The following MAGI2 variants were observed in gnomAD, a reference collection of about 807,000 sequenced individuals.
MAGI2 encodes membrane-associated guanylate kinase, WW and PDZ domain-containing protein 2.
A neutral mutation model predicts 133.3 loss-of-function variants in MAGI2; 35 were observed. That is an observed-to-expected ratio of 0.26 (90% CI 0.20 to 0.35). MAGI2 has a LOEUF of 0.35. MAGI2 is among the 10% of genes least tolerant of loss of function. The pLI, the probability that MAGI2 is intolerant of heterozygous loss-of-function variation, is 1.00. For missense variants in MAGI2, 1,636 were observed against 1,863.4 expected, an observed-to-expected ratio of 0.88 and a Z score of 2.25; for synonymous variants, 729 against 710.6, an observed-to-expected ratio of 1.03 and a Z score of -0.41.
At chr7:79,443,603 C>T (rs1348085042) in intron 1 of MAGI2, among the ~76,000 whole-genome samples, 1 of 152,004 alleles carries the variant, frequency 6.6e-6, no homozygotes, top group South Asian at 2.1e-4. Flanking sequence ...CTCATATAAG[C>T]AAAAATACTC....
At chr7:78,810,861 G>C (rs1451138579) in intron 2 of MAGI2, among the ~76,000 whole-genome samples, 1 of 151,960 alleles carries the variant, frequency 6.6e-6, no homozygotes, top group African/African-American at 2.4e-5. Context: ...ATAAATTATA[G>C]ACATGCTGGT....
rs750809416 is a variant in MAGI2, at chr7:78,194,854, T to G, written c.2269+20A>C. 6.4e-6 allele frequency: 10 copies of G among 1,570,924 alleles called. No homozygotes were observed. The highest frequency in any genetic ancestry group is 8.6e-6 in the Non-Finnish European group (10 of 1,159,230). ...TCAGCTATTATTAATGTACCCTTGTTTCATGTGGCTTTCACTTACGCCTAC... is the reference window on the plus strand; with the variant it reads ...TCAGCTATTATTAATGTACCCTTGTGTCATGTGGCTTTCACTTACGCCTAC... On this transcript the variant is annotated intron_variant, in intron 12 of 21. Transcript: ENST00000354212.
At chr7:79,297,941 G>GAA (rs1837074312) in intron 1 of MAGI2, among the ~76,000 whole-genome samples, 1 of 152,156 alleles carries the variant, frequency 6.6e-6, no homozygotes, top group Non-Finnish European at 1.5e-5. Flanking sequence ...AAATTTAAGG[G>GAA]AAAACAACCA....
At chr7:78,036,402 A>G (rs549095770) in intron 21 of MAGI2, among the ~76,000 whole-genome samples, 130 of 1,298 alleles carry the variant, frequency 0.1, no homozygotes, top group African/African-American at 0.3. Flanking sequence ...AAGCACTTGT[A>G]AATAATAATA....
intron 6 of MAGI2, among the ~76,000 whole-genome samples, chr7:78,474,007 A>G (rs1791491465): frequency 6.6e-6 from 1 of 152,028 alleles, no homozygotes; most frequent in African/African-American, 2.4e-5. Context: ...TGCCCCTGTC[A>G]TCACCAGAGA....
At chr7:78,395,577 T>C (rs751935111) in intron 6 of MAGI2, among the ~76,000 whole-genome samples, 17 of 152,170 alleles carry the variant, frequency 1.1e-4, no homozygotes, top group Non-Finnish European at 1.5e-5. Context: ...GAGGTAGAAA[T>C]GACCCAACGC....
chr7:79,259,909 T>G (rs930490691), intron 1 of MAGI2, among the ~76,000 whole-genome samples: 3 of 152,234 alleles, frequency 2.0e-5, no homozygotes. Context: ...TGCAGGGCAC[T>G]TTATAGGAAA....
chr7:78,714,777 T>C (rs1228102202), intron 2 of MAGI2, among the ~76,000 whole-genome samples: 1 of 152,180 alleles, frequency 6.6e-6, no homozygotes, highest in Non-Finnish European at 1.5e-5. Flanking sequence ...GGCTTTCAGG[T>C]GCCAAACACA....
At chr7:78,485,198 G>A (rs989260169) in intron 6 of MAGI2, 4 of 151,908 alleles carry the variant, frequency 2.6e-5, no homozygotes, top group African/African-American at 9.7e-5. Flanking sequence ...GTATTTAGTG[G>A]TTAACTGCTG....
chr7:78,933,011 T>C (rs930460641), intron 2 of MAGI2, among the ~76,000 whole-genome samples: 13 of 152,108 alleles, frequency 8.5e-5, no homozygotes, highest in African/African-American at 1.9e-4. Context: ...TCTTGCATCC[T>C]TGCTATTTTC....
chr7:78,881,584 A>G (rs1036941970), intron 2 of MAGI2, among the ~76,000 whole-genome samples: 11 of 152,180 alleles, frequency 7.2e-5, no homozygotes, highest in African/African-American at 2.7e-4. Context: ...TAATTTTAAA[A>G]AATCAAAATC....
chr7:78,309,940 C>T (rs566410574), intron 9 of MAGI2, among the ~76,000 whole-genome samples: 38 of 152,010 alleles, frequency 2.5e-4, no homozygotes, highest in Non-Finnish European at 4.6e-4. Flanking sequence ...ATGTAGAGAA[C>T]AAATGTTAGT....
At chr7:78,544,972 C>G (rs1055966295) in intron 3 of MAGI2, among the ~76,000 whole-genome samples, 1 of 151,322 alleles carries the variant, frequency 6.6e-6, no homozygotes, top group African/African-American at 2.4e-5. Flanking sequence ...ATCTTAATTT[C>G]GTAATCTAGT....
chr7:79,263,421 C>A (rs189880627), intron 1 of MAGI2, among the ~76,000 whole-genome samples: 164 of 152,172 alleles, frequency 1.1e-3, no homozygotes, highest in African/African-American at 3.7e-3. Flanking sequence ...CCTGGTTTCC[C>A]AGCTGACACC....
intron 2 of MAGI2, among the ~76,000 whole-genome samples, chr7:78,977,206 T>C (rs1484351705): frequency 6.6e-6 from 1 of 151,706 alleles, no homozygotes; most frequent in East Asian, 1.9e-4. Context: ...AAAGCTGTAG[T>C]AGTCAGGACA....
At chr7:78,322,064 C>A (rs1288781467) in intron 9 of MAGI2, among the ~76,000 whole-genome samples, 5 of 152,162 alleles carry the variant, frequency 3.3e-5, no homozygotes, top group Non-Finnish European at 7.3e-5. Flanking sequence ...CAATCAGATA[C>A]CCTCTCACGC....
At chr7:78,829,573 A>C (rs2151439727) in intron 2 of MAGI2, among the ~76,000 whole-genome samples, 1 of 152,196 alleles carries the variant, frequency 6.6e-6, no homozygotes, top group South Asian at 2.1e-4. Context: ...TATATCCCTG[A>C]CACTTATCAA....
chr7:78,127,461 A>G (rs1471186204), intron 18 of MAGI2, 45 bp from the exon 19 acceptor site: 1 of 1,486,452 alleles, frequency 6.7e-7, no homozygotes. Flanking sequence ...TCTGCATTCT[A>G]AAGAGGCTAG....
chr7:79,439,395 C>A (rs923952954), intron 1 of MAGI2, among the ~76,000 whole-genome samples: 6 of 152,044 alleles, frequency 3.9e-5, no homozygotes, highest in Non-Finnish European at 8.8e-5. Context: ...CATAAGGAAG[C>A]GATAGCCATA....
Sources: gnomAD v4.1 joint callset for allele counts (sites outside exome capture counted in the v4.1 genomes callset) on GRCh38, gnomAD v4.1.1 for gene constraint, MANE v1.5 for transcripts, NCBI Gene and HGNC (gene_info 2026-07-23, HGNC 2026-07-21) for gene names.